The following EIF2AK4 variants were observed in gnomAD, a reference collection of about 807,000 sequenced individuals.
EIF2AK4 encodes eIF-2-alpha kinase GCN2.
Under a neutral mutation model 211.1 loss-of-function variants are expected in EIF2AK4, and 139 were observed. The observed-to-expected ratio is 0.66, with a 90% confidence interval of 0.57 to 0.76. The LOEUF is 0.76. Ranked by LOEUF, EIF2AK4 falls within the 30% of genes least tolerant of loss-of-function variation. EIF2AK4 has a pLI of 0.00. For missense variants in EIF2AK4, 1,664 were observed against 2,043.8 expected (o/e 0.81, Z 3.58); for synonymous variants, 710 against 751.3 (o/e 0.94, Z 0.90).
intron 27 of EIF2AK4, 126 bp from the exon 28 acceptor site, chr15:40,016,376 A>G: frequency 8.3e-7 from 1 of 1,200,294 alleles, no homozygotes; most frequent in Non-Finnish European, 1.2e-6. Flanking sequence ...GCCTAAAATA[A>G]TCTTTGACCA....
intron 34 of EIF2AK4, among the ~76,000 whole-genome samples, 156 bp from the exon 35 acceptor site, chr15:40,030,203 C>T (rs1266164547): frequency 6.6e-6 from 1 of 152,148 alleles, no homozygotes; most frequent in Non-Finnish European, 1.5e-5. Flanking sequence ...CTATCCGGTG[C>T]AGATGGTTGT....
chr15:39,954,319 C>T (rs2034360360), intron 5 of EIF2AK4, among the ~76,000 whole-genome samples: 2 of 152,188 alleles, frequency 1.3e-5, no homozygotes. Flanking sequence ...GTGGTATGAT[C>T]TCAGCCCACT....
chr15:39,987,451 T>A (rs185688718), intron 14 of EIF2AK4, among the ~76,000 whole-genome samples: 1 of 152,242 alleles, frequency 6.6e-6, no homozygotes, highest in East Asian at 1.9e-4. Flanking sequence ...AAGATTTAAG[T>A]CATGTTGCAC....
intron 1 of EIF2AK4, among the ~76,000 whole-genome samples, chr15:39,936,375 T>C (rs1185313073): frequency 6.6e-6 from 1 of 152,224 alleles, no homozygotes; most frequent in African/African-American, 2.4e-5. Flanking sequence ...TATCACCTGC[T>C]ATTTGCCAGG....
chr15:39,980,822 G>A (rs2034772062), intron 13 of EIF2AK4, among the ~76,000 whole-genome samples: 1 of 152,140 alleles, frequency 6.6e-6, no homozygotes, highest in Admixed American at 6.5e-5. Flanking sequence ...CCAAAGTGCT[G>A]CCATTATAGG....
Position 39,998,715 on chromosome 15 carries a change from G to C in EIF2AK4, c.2869-16G>C. ...CAGTCTGCCAAAACCTTGCTGATTT[G>C]AATATATTTTTTTAGCCCACTTCGC... On this transcript the variant is annotated splice_polypyrimidine_tract_variant and intron_variant, in intron 19 of 38. Transcript: ENST00000263791. The C allele has an allele frequency of 1.2e-6, 2 of 1,609,092 alleles. No individual in the cohort carries two copies. The highest frequency in any genetic ancestry group is 8.5e-7 in the Non-Finnish European group (1 of 1,176,510).
rs554079799 is a variant in EIF2AK4 at position 39,964,739 on chromosome 15, T to C, written c.860-947T>C. ...AAAATAGAGATTTTTATAAGAAAAT[T>C]TTTGGTGTTACAGAAATTTAGCTCT... On this transcript the variant is annotated intron_variant, in intron 7 of 38. Transcript: ENST00000263791. Among the ~76,000 whole-genome samples the C allele has an allele frequency of 5.9e-5, 9 of 152,306 alleles. No individual in the cohort carries two copies. The East Asian group carries it at 1.7e-3, about 29-fold the overall frequency.
chr15:39,963,580 T>G (rs1284304133), intron 7 of EIF2AK4, among the ~76,000 whole-genome samples: 1 of 152,220 alleles, frequency 6.6e-6, no homozygotes, highest in Admixed American at 6.5e-5. Flanking sequence ...TGAAGTATTT[T>G]TATAAAAAAC....
Position 39,955,735 on chromosome 15 carries a change from G to T in EIF2AK4, c.710G>T (p.Gly237Val). The change falls in exon 6 of 39, where the codon GGT becomes GTT. Residue 237 changes from glycine to valine, a missense_variant. Coordinates refer to ENST00000263791, the MANE Select transcript of EIF2AK4 (RefSeq NM_001013703.4). ...GGCTCTCCTGACTTTGTAGGAAATG[G>T]TAAACATCGGGCAAACTCCTCAGGA... ...HGGSPDFVGN[G>V]KHRANSSGRS... is the part of the protein sequence containing the mutation. The T allele has an allele frequency of 6.2e-7, 1 of 1,612,104 alleles. No homozygotes were observed. The highest frequency in any genetic ancestry group is 1.1e-5 in the South Asian group (1 of 90,530).
At chr15:40,014,880 T>C (rs1283237206) in intron 27 of EIF2AK4, among the ~76,000 whole-genome samples, 1 of 152,190 alleles carries the variant, frequency 6.6e-6, no homozygotes, top group Non-Finnish European at 1.5e-5. Context: ...TGATGCTTTG[T>C]TGCTTAGAAA....
In EIF2AK4 at chr15:40,030,354, C is replaced by G. The variant is rs753681292; in HGVS notation, c.4562-5C>G. ...CCATAAATTCTGAAACTCTCTTGGT[C>G]TCAGGTTTGTTTGAAATCCATGGAG... On this transcript the variant is annotated splice_polypyrimidine_tract_variant and splice_region_variant and intron_variant, in intron 34 of 38. Transcript: ENST00000263791. 3.0e-5 allele frequency: 48 copies of G among 1,613,554 alleles called. No homozygotes were observed. In the Middle Eastern group the frequency reaches 9.9e-4, roughly 33 times the overall value.
intron 18 of EIF2AK4, among the ~76,000 whole-genome samples, chr15:39,996,430 C>T (rs1643968756): frequency 6.6e-6 from 1 of 152,158 alleles, no homozygotes; most frequent in Admixed American, 6.5e-5. Flanking sequence ...GAAGGCCAGG[C>T]GTGTTGGCTC....
In EIF2AK4 at chr15:39,976,826, T is replaced by C; in HGVS notation, c.2231T>C (p.Val744Ala). The C allele has an allele frequency of 6.5e-7, 1 of 1,536,130 alleles. No homozygotes were observed. Among genetic ancestry groups the C allele is most frequent in the Admixed American group, 2.0e-5 (1 of 50,192 alleles). ...GACGACGAGGACGAGCACGGTGGCG[T>C]CTTCTCCCAGTCCTTCCTGTAAGCG... is the stretch of plus-strand genomic sequence containing the variant. ...EDDDEDEHGG[V>A]FSQSFLPASD... Residue 744 changes from valine to alanine, a missense_variant, in exon 12 of 39, where the codon GTC becomes GCC. By Grantham distance (64) the Val-to-Ala change is moderately conservative (BLOSUM62 0). This residue lies in a region of EIF2AK4 where 206 missense variants were observed against 201.9 expected (regional missense o/e 1.02). Coordinates refer to ENST00000263791, the MANE Select transcript of EIF2AK4 (RefSeq NM_001013703.4).
In EIF2AK4 at chr15:39,978,103, A is replaced by G. The variant is rs775289125; in HGVS notation, c.2275A>G (p.Ile759Val). Reference protein sequence around the residue: ...FLPASDSESDIIFDNEDENSK... With the variant: ...FLPASDSESDVIFDNEDENSK... ...GCCTGCTTCAGATTCTGAAAGTGAT[A>G]TTATCTTTGACAATGAAGATGAGAA... The change falls in exon 13 of 39, where the codon ATT (isoleucine) becomes GTT (valine). Residue 759 changes from isoleucine to valine, a missense_variant. Around this residue, in one of 7 missense-constraint regions of EIF2AK4, gnomAD observed 206 missense variants for 201.9 expected, o/e 1.02. Transcript: ENST00000263791. 6 of 1,595,936 alleles carry G rather than the reference A, an allele frequency of 3.8e-6. No homozygotes were observed. In the Admixed American group the frequency reaches 5.0e-5, roughly 13 times the overall value.
At chr15:40,020,508 ATATATATT>A (rs1466764718) in intron 30 of EIF2AK4, 7 of 41,846 alleles carry the variant, frequency 1.7e-4, no homozygotes, top group African/African-American at 4.5e-4. Context: ...ATATATATGT[ATATATATT>A]TATTTATTTA....
chr15:39,973,302 C>G (rs8030640), intron 10 of EIF2AK4, among the ~76,000 whole-genome samples: 15 of 151,928 alleles, frequency 9.9e-5, no homozygotes, highest in Non-Finnish European at 1.5e-5. Context: ...GATTAAGGAA[C>G]CTCGGTAGAG....
chr15:40,011,379 T>C, intron 27 of EIF2AK4, 33 bp downstream of exon 27: 1 of 1,557,380 alleles, frequency 6.4e-7, no homozygotes, highest in African/African-American at 1.4e-5. Flanking sequence ...ATTACAGCTT[T>C]CTCTGTAATT....
chr15:39,951,613 G>T, intron 4 of EIF2AK4: 2 of 260,278 alleles, frequency 7.7e-6, no homozygotes, highest in South Asian at 4.0e-5. Flanking sequence ...GTGGACTTGT[G>T]GTAACGTCTA....
Position 40,001,018 on chromosome 15 carries a change from G to C in EIF2AK4, c.2953G>C (p.Asp985His). The C allele has an allele frequency of 6.2e-7, 1 of 1,614,176 alleles. No homozygotes were observed. Among genetic ancestry groups the C allele is most frequent in the Non-Finnish European group, 8.5e-7 (1 of 1,180,046 alleles). ...KSVISWLLNH[D>H]PAKRPTATEL... ...AGTCATCTCCTGGCTGTTGAACCAC[G>C]ATCCAGCAAAACGGCCCACAGCCAC... The change falls in exon 21 of 39, where the codon GAT (aspartate) becomes CAT (histidine). Residue 985 changes from aspartate (D) to histidine (H), a missense_variant. Physicochemically the swap from Asp to His is moderately conservative, Grantham distance 81. Coordinates refer to ENST00000263791, the MANE Select transcript of EIF2AK4 (RefSeq NM_001013703.4).
Sources: gnomAD v4.1 joint callset for allele counts (sites outside exome capture counted in the v4.1 genomes callset) on GRCh38, gnomAD v4.1.1 for gene constraint, gnomAD v4.1.1 regional missense constraint, MANE v1.5 for transcripts, NCBI Gene and HGNC (gene_info 2026-07-23, HGNC 2026-07-21) for gene names.